The following IL7 variants were observed in gnomAD, a reference collection of about 807,000 sequenced individuals.
IL7 encodes the protein interleukin 7, also known as interleukin-7.
In IL7, 3 loss-of-function variants were observed where a neutral mutation model predicts 21.6. The ratio of observed to expected loss-of-function variants is 0.14; its 90% confidence interval spans 0.06 to 0.36. The LOEUF (loss-of-function observed/expected upper bound fraction) is 0.36. Ranked by LOEUF, IL7 falls within the 10% of genes least tolerant of loss-of-function variation. IL7 has a pLI of 1.00. For synonymous variants in IL7, 62 were observed against 68.1 expected, an observed-to-expected ratio of 0.91 and a Z score of 0.44; for missense variants, 175 against 200.2, an observed-to-expected ratio of 0.87 and a Z score of 0.76.
chr8:78,718,840 G>T (rs899960006), intron 6 of IL7: 1 of 151,328 alleles, frequency 6.6e-6, no homozygotes, highest in Non-Finnish European at 1.5e-5. Context: ...TACTGTAAAG[G>T]TACAAACAAA....
At chr8:78,711,100 ATAAG>A (rs1221330093) in intron 3 of IL7, among the ~76,000 whole-genome samples, 1 of 152,128 alleles carries the variant, frequency 6.6e-6, no homozygotes, top group Non-Finnish European at 1.5e-5. Context: ...TAGTCAGTGA[ATAAG>A]TAAAGAAATG....
Position 78,736,470 on chromosome 8 carries a change from T to C in IL7, c.414+4A>G. ...CATAAGGAAAATTATACAATTATTC[T>C]CACCAAACTCTTTGTTGGTTGGGCT... On this transcript the variant is annotated splice_donor_region_variant and intron_variant, in intron 5 of 5. Coordinates refer to ENST00000263851, the MANE Select transcript of IL7 (RefSeq NM_000880.4). 6.3e-7 allele frequency: 1 copy of C among 1,580,936 alleles called. No homozygotes were observed. The highest frequency in any genetic ancestry group is 8.6e-7 in the Non-Finnish European group (1 of 1,157,192).
intron 4 of IL7, among the ~76,000 whole-genome samples, 178 bp from the exon 5 acceptor site, chr8:78,736,705 T>A (rs1310816147): frequency 1.3e-5 from 2 of 152,110 alleles, no homozygotes; most frequent in African/African-American, 2.4e-5. Flanking sequence ...AATATCAGGG[T>A]AAAGGAAGAA....
Position 78,689,186 on chromosome 8 carries a change from A to G in IL7, n.215-3239T>C, listed in dbSNP as rs775604140. The G allele has an allele frequency of 2.2e-6, 3 of 1,386,156 alleles. No individual in the cohort carries two copies. In the African/African-American group the frequency reaches 4.5e-5, roughly 21 times the overall value. 85.9% of individuals were successfully genotyped at this position (1,386,156 alleles called of 1,614,324 possible). On this transcript the variant is annotated intron_variant and non_coding_transcript_variant, in intron 3 of 4. Coordinates refer to the IL7 transcript ENST00000523959. ...TTTTTTAATGTCCGTTTCAAGTACT[A>G]TGCTATTAATCTGTTTCCGTTTTTA...
At chr8:78,686,329 A>G in intron 3 of IL7, 1 of 738,290 alleles carries the variant, frequency 1.4e-6, no homozygotes, top group Non-Finnish European at 1.9e-6. Context: ...TAAAATTATA[A>G]ATTTGAGAAG....
chr8:78,738,423 G>T (rs1586055444), intron 4 of IL7, 81 bp downstream of exon 4: 2 of 1,127,564 alleles, frequency 1.8e-6, no homozygotes, highest in Admixed American at 2.1e-5. Context: ...TATGATAATG[G>T]ATGTGATCAT....
downstream of IL7, chr8:78,715,420 T>G (rs1811070441): frequency 1.7e-6 from 2 of 1,195,586 alleles, no homozygotes; most frequent in South Asian, 1.7e-5. Flanking sequence ...TAACAAGCTA[T>G]TTATAGAAAA....
At chr8:78,695,861 G>A (rs535364460) in intron 3 of IL7, among the ~76,000 whole-genome samples, 3 of 152,150 alleles carry the variant, frequency 2.0e-5, no homozygotes, top group East Asian at 3.9e-4. Flanking sequence ...TTGTGTGACC[G>A]TTTATCAAGA....
chr8:78,722,153 A>G (rs1373212696), intron 3 of IL7, among the ~76,000 whole-genome samples: 1 of 151,994 alleles, frequency 6.6e-6, no homozygotes, highest in Non-Finnish European at 1.5e-5. Flanking sequence ...CATTACCATT[A>G]TAATTTTTAA....
chr8:78,769,654 T>G (rs1014558949), intron 2 of IL7, among the ~76,000 whole-genome samples: 5 of 152,150 alleles, frequency 3.3e-5, no homozygotes, highest in African/African-American at 1.2e-4. Flanking sequence ...AAGCTACCAA[T>G]GACTTTCTTC....
At position 78,798,155 on chromosome 8, in the gene IL7, C is replaced by T. The variant is rs141588511; in HGVS notation, c.64G>A (p.Val22Ile). ...LPPLILVLLP[V>I]ASSDCDIEGK... is the part of the protein sequence containing the mutation. ...TCAATATCACAATCAGATGATGCTA[C>T]TGGCAACAGAACAAGGATCAGGGGA... Residue 22 changes from valine to isoleucine, a missense_variant, in exon 2 of 6, where the codon GTA (valine) becomes ATA (isoleucine). By Grantham distance (29) the Val-to-Ile change is conservative. Transcript: ENST00000263851. The T allele has an allele frequency of 5.5e-5, 88 of 1,611,220 alleles. No homozygotes were observed. The highest frequency in any genetic ancestry group is 4.1e-4 in the African/African-American group (31 of 74,792).
At chr8:78,710,982 A>C (rs181490072) in intron 3 of IL7, among the ~76,000 whole-genome samples, 4 of 152,192 alleles carry the variant, frequency 2.6e-5, no homozygotes, top group Admixed American at 2.0e-4. Context: ...TCAGACACTA[A>C]ACTCCATAAG....
chr8:78,737,506 G>C (rs547859935), intron 4 of IL7, among the ~76,000 whole-genome samples: 4 of 152,158 alleles, frequency 2.6e-5, no homozygotes, highest in East Asian at 3.9e-4. Flanking sequence ...ACGTAAGGAC[G>C]CAAGTTTGGA....
intron 2 of IL7, among the ~76,000 whole-genome samples, chr8:78,744,754 T>G (rs2717547): frequency 0.35 from 53,601 of 152,058 alleles, 11,319 homozygotes; most frequent in African/African-American, 0.59. Flanking sequence ...CTGAGCAGCT[T>G]CTCTGCCAAG....
At chr8:78,762,139 A>G in intron 2 of IL7, 1 of 1,596,788 alleles carries the variant, frequency 6.3e-7, no homozygotes, top group Non-Finnish European at 8.6e-7. Context: ...TGTGTCTACT[A>G]TGTGGGTTGT....
chr8:78,705,172 G>A (rs959274105), intron 3 of IL7, among the ~76,000 whole-genome samples: 4 of 152,170 alleles, frequency 2.6e-5, no homozygotes, highest in Admixed American at 6.5e-5. Flanking sequence ...GAGGTGATGC[G>A]GTCACTTGGA....
At chr8:78,790,873 A>G (rs1813666194) in intron 2 of IL7, among the ~76,000 whole-genome samples, 1 of 152,118 alleles carries the variant, frequency 6.6e-6, no homozygotes. Flanking sequence ...AAACATTATT[A>G]CGAAAATGAT....
Position 78,751,101 on chromosome 8 carries a change from A to AC in IL7, c.148-11020_148-11019insG, listed in dbSNP as rs909185568. Among the ~76,000 whole-genome samples the AC allele has an allele frequency of 2.6e-5, 4 of 151,822 alleles. No homozygotes were observed. The East Asian group carries it at 5.8e-4, about 22-fold the overall frequency. ...TGAGAAGCAAAAATTCAAAAAAAAA[A>AC]AAACTGATAAAAAAGAACAGAATAT... is the stretch of plus-strand genomic sequence containing the variant. On this transcript the variant is annotated intron_variant, in intron 2 of 5. Transcript: ENST00000263851.
Position 78,762,459 on chromosome 8 carries a change from C to T in IL7, c.148-22377G>A, listed in dbSNP as rs1403799903. On this transcript the variant is annotated intron_variant, in intron 2 of 5. Coordinates refer to ENST00000263851, the MANE Select transcript of IL7 (RefSeq NM_000880.4). ...TCGCCCGCCCGCCGGCCGGTCCAGC[C>T]CTCCCCTCCCCGCCTCCTCAGGGCA... 7.1e-6 allele frequency: 11 copies of T among 1,553,038 alleles called. No individual in the cohort carries two copies. The Admixed American group carries it at 1.5e-4, about 22-fold the overall frequency.
Sources: gnomAD v4.1 joint callset for allele counts (sites outside exome capture counted in the v4.1 genomes callset) on GRCh38, gnomAD v4.1.1 for gene constraint, MANE v1.5 for transcripts, NCBI Gene and HGNC (gene_info 2026-07-23, HGNC 2026-07-21) for gene names.